Variants in PCDHGA1 observed in about 807,000 individuals in gnomAD.
PCDHGA1 encodes protocadherin gamma-A1.
Under a neutral mutation model 58.0 loss-of-function variants are expected in PCDHGA1, and 32 were observed. That is an observed-to-expected ratio of 0.55 (90% CI 0.42 to 0.74). The LOEUF (loss-of-function observed/expected upper bound fraction) is 0.74, where lower values mean the gene tolerates loss of function less well. Ranked by LOEUF, PCDHGA1 falls within the 30% of genes least tolerant of loss-of-function variation. The pLI is 0.00. For missense variants in PCDHGA1, 1,205 were observed against 1,182.3 expected (o/e 1.02, Z -0.28); for synonymous variants, 498 against 501.1 (o/e 0.99, Z 0.08).
At chr5:141,505,352 C>CG in intron 2 of PCDHGA1, 41 bp from the exon 3 acceptor site, 1 of 1,613,302 alleles carries the variant, frequency 6.2e-7, no homozygotes, top group East Asian at 2.2e-5. Context: ...TGAGCTGTGC[C>CG]GGCCTGGGAG....
rs1287277950 is a variant in PCDHGA1 at position 141,384,488 on chromosome 5, T to C, written c.2421+51383T>C. The C allele has an allele frequency of 2.5e-6, 4 of 1,614,104 alleles. No individual in the cohort carries two copies. In the East Asian group the frequency reaches 8.9e-5, roughly 36 times the overall value. The stretch of plus-strand genomic sequence containing the variant: ...TATGAGCAGTTGAGAGAACTACAAC[T>C]AAGAGTGACTGCACATGACAGCGGG... On this transcript the variant is annotated intron_variant, in intron 1 of 3. Transcript: ENST00000517417.
At chr5:141,430,076 T>C (rs2097260023) in intron 1 of PCDHGA1, among the ~76,000 whole-genome samples, 1 of 152,208 alleles carries the variant, frequency 6.6e-6, no homozygotes, top group South Asian at 2.1e-4. Context: ...GTTTCCATAA[T>C]ATCATGAAAA....
intron 1 of PCDHGA1, chr5:141,395,210 A>T (rs200048432): frequency 1.9e-6 from 3 of 1,613,418 alleles, no homozygotes; most frequent in Non-Finnish European, 2.5e-6. Context: ...ATTTTCATGA[A>T]TATAAGAATG....
chr5:141,389,314 C>T (rs2091698838), intron 1 of PCDHGA1: 2 of 1,613,880 alleles, frequency 1.2e-6, no homozygotes, highest in Non-Finnish European at 8.5e-7. Context: ...GCTTCTGATC[C>T]GGACTTGGGG....
chr5:141,385,707 A>C (rs1397936755), intron 1 of PCDHGA1: 1 of 259,744 alleles, frequency 3.8e-6, no homozygotes, highest in Non-Finnish European at 6.2e-6. Flanking sequence ...TTTAGCATTC[A>C]AATATGTAAA....
intron 1 of PCDHGA1, chr5:141,382,993 C>A (rs762865747): frequency 6.2e-7 from 1 of 1,613,660 alleles, no homozygotes; most frequent in South Asian, 1.1e-5. Context: ...AGGACGTATT[C>A]TCTACTCCGT....
Position 141,511,202 on chromosome 5 carries a change from C to A in PCDHGA1, c.*29C>A. On this transcript the variant is annotated 3_prime_UTR_variant, in exon 4 of 4. Transcript: ENST00000517417. ...GGAGGCCAGGCCAAGAGCCACAGGG[C>A]GGCCTCTCCCCAACCAGCCCAGCTT... The A allele has an allele frequency of 6.2e-7, 1 of 1,612,136 alleles. No individual in the cohort carries two copies.
At chr5:141,384,686 A>G (rs1314292313) in intron 1 of PCDHGA1, 1 of 1,613,842 alleles carries the variant, frequency 6.2e-7, no homozygotes, top group African/African-American at 1.3e-5. Context: ...GCGGTGGACA[A>G]AGATTCAGGC....
intron 1 of PCDHGA1, chr5:141,364,723 G>T: frequency 6.2e-7 from 1 of 1,613,938 alleles, no homozygotes; most frequent in Non-Finnish European, 8.5e-7. Flanking sequence ...ATAACTTCCC[G>T]CGTTTCCGGG....
At chr5:141,374,332 C>T (rs759827582) in intron 1 of PCDHGA1, 3 of 1,613,984 alleles carry the variant, frequency 1.9e-6, no homozygotes, top group South Asian at 2.2e-5. Context: ...GAAACGGCAG[C>T]TTGGTCACCG....
intron 1 of PCDHGA1, among the ~76,000 whole-genome samples, chr5:141,444,150 GGATT>G (rs2098419499): frequency 1.8e-5 from 2 of 114,014 alleles, no homozygotes; most frequent in Non-Finnish European, 1.7e-5. Flanking sequence ...TGTGTGTACT[GGATT>G]TTTTTTTTTT....
intron 1 of PCDHGA1, chr5:141,344,996 A>T (rs774542255): frequency 3.1e-6 from 5 of 1,613,974 alleles, no homozygotes; most frequent in Admixed American, 1.7e-5. Context: ...AAATTGAAGC[A>T]CAGGATGGAC....
intron 3 of PCDHGA1, among the ~76,000 whole-genome samples, chr5:141,507,625 G>C (rs2099862215): frequency 6.6e-6 from 1 of 152,256 alleles, no homozygotes; most frequent in Non-Finnish European, 1.5e-5. Context: ...AGCTGTTGTG[G>C]CCTTGCGCCC....
chr5:141,423,061 G>T, intron 1 of PCDHGA1: 2 of 1,614,160 alleles, frequency 1.2e-6, no homozygotes, highest in Non-Finnish European at 1.7e-6. Context: ...CCTGCTTAAG[G>T]CCAGCGAGCC....
At chr5:141,413,979 C>T in intron 1 of PCDHGA1, 1 of 1,613,394 alleles carries the variant, frequency 6.2e-7, no homozygotes, top group Non-Finnish European at 8.5e-7. Flanking sequence ...TGCTGACAGT[C>T]ACAGCCACCG....
At position 141,332,258 on chromosome 5, in the gene PCDHGA1, T is replaced by C; in HGVS notation, c.1574T>C (p.Phe525Ser). ...CTGCGATCCTTCGACTATGAGCAGT[T>C]CCGGGACATGCAACTGAAAGTGATG... Reference protein sequence around the residue: ...YALRSFDYEQFRDMQLKVMAR... With the variant: ...YALRSFDYEQSRDMQLKVMAR... Residue 525 changes from phenylalanine (F) to serine (S), a missense_variant, in exon 1 of 4, where the codon TTC becomes TCC. Physicochemically the swap from Phe to Ser is radical, Grantham distance 155. Transcript: ENST00000517417. The surrounding 1 kb of genome is among the most constrained non-coding windows in gnomAD (Gnocchi z 4.6). The C allele has an allele frequency of 6.2e-7, 1 of 1,614,198 alleles. No individual in the cohort carries two copies. The highest frequency in any genetic ancestry group is 8.5e-7 in the Non-Finnish European group (1 of 1,180,032).
intron 1 of PCDHGA1, chr5:141,364,307 A>G: frequency 1.3e-6 from 2 of 1,522,550 alleles, no homozygotes; most frequent in Non-Finnish European, 1.8e-6. Context: ...CAGAACTAAG[A>G]GAAAATTGGG....
At position 141,489,076 on chromosome 5, in the gene PCDHGA1, C is replaced by T. The variant is rs536134432; in HGVS notation, c.2422-5731C>T. The T allele has an allele frequency of 6.1e-6, 2 of 326,424 alleles. No individual in the cohort carries two copies. Among genetic ancestry groups the T allele is most frequent in the East Asian group, 5.8e-5 (1 of 17,220 alleles). 20.2% of individuals were successfully genotyped at this position (326,424 alleles called of 1,614,324 possible). On this transcript the variant is annotated intron_variant, in intron 1 of 3. Coordinates refer to ENST00000517417, the MANE Select transcript of PCDHGA1 (RefSeq NM_018912.3). The surrounding 1 kb of genome is among the most constrained non-coding windows in gnomAD (Gnocchi z 4.5). The stretch of plus-strand genomic sequence containing the variant: ...CAGCTCCCCTCCCCCCTGCCCACCC[C>T]CGCCACTCGGTGACTAAGAACTGCT...
intron 1 of PCDHGA1, chr5:141,372,939 G>C (rs1026338118): frequency 3.6e-6 from 3 of 824,678 alleles, no homozygotes. Flanking sequence ...GTAGAGTAGG[G>C]TGTCTAGGAA....
Sources: gnomAD v4.1 joint callset for allele counts (sites outside exome capture counted in the v4.1 genomes callset) on GRCh38, gnomAD v4.1.1 for gene constraint, Gnocchi (gnomAD v3.1) non-coding constraint, MANE v1.5 for transcripts, NCBI Gene and HGNC (gene_info 2026-07-23, HGNC 2026-07-21) for gene names.